Variants in SMTN observed in about 807,000 individuals in gnomAD.
The protein encoded by SMTN is smoothelin.
Under a neutral mutation model 102.0 loss-of-function variants are expected in SMTN, and 58 were observed. The ratio of observed to expected loss-of-function variants is 0.57; its 90% CI spans 0.46 to 0.71. SMTN has a LOEUF of 0.71. Ranked by LOEUF, SMTN falls within the 30% of genes least tolerant of loss-of-function variation. SMTN has a pLI of 0.00. For synonymous variants in SMTN, 478 were observed against 497.9 expected (o/e 0.96, Z 0.53); for missense variants, 1,185 against 1,241.7 (o/e 0.95, Z 0.69).
chr22:31,089,379 G>A (rs1348837695), intron 6 of SMTN, among the ~76,000 whole-genome samples: 1 of 152,196 alleles, frequency 6.6e-6, no homozygotes, highest in East Asian at 1.9e-4. Context: ...CTGAGGCCAG[G>A]AGTCAGGAAC....
Position 31,090,988 on chromosome 22 carries a change from C to G in SMTN, c.965C>G (p.Ser322Cys). 1 of 1,613,716 alleles carries G rather than the reference C, an allele frequency of 6.2e-7. No individual in the cohort carries two copies. The highest frequency in any genetic ancestry group is 1.1e-5 in the South Asian group (1 of 91,068). ...TCCACCCCCCTTGCCAGCGGACCTT[C>G]CTCATTCCAGCGGGCTGGCTCTGTG... ...RESTPLASGP[S>C]SFQRAGSVRD... The change falls in exon 10 of 21, where the codon TCC becomes TGC. Residue 322 changes from serine (S) to cysteine (C), a missense_variant. Coordinates refer to ENST00000333137, the MANE Select transcript of SMTN (RefSeq NM_134269.3).
At chr22:31,071,639 T>G (rs996042027) in intron 1 of SMTN, among the ~76,000 whole-genome samples, 1 of 151,000 alleles carries the variant, frequency 6.6e-6, no homozygotes, top group Non-Finnish European at 1.5e-5. Flanking sequence ...ACTTAATTAA[T>G]TAAAAAAAAT....
At chr22:31,093,238 C>A (rs561159800) in intron 11 of SMTN, 1 of 266,236 alleles carries the variant, frequency 3.8e-6, no homozygotes, top group East Asian at 1.1e-4. Context: ...CCCCCTCCCC[C>A]ACTGCCCCTT....
At position 31,095,889 on chromosome 22, in the gene SMTN, A is replaced by T; in HGVS notation, c.1861+280A>T. 1 of 511,010 alleles carries T rather than the reference A, an allele frequency of 2.0e-6. No homozygotes were observed. The highest frequency in any genetic ancestry group is 3.5e-6 in the Non-Finnish European group (1 of 286,736). The allele number at this position is 511,010 out of a possible 1,614,324, so 31.7% of individuals were successfully genotyped here. ...CCTCCCGCAGCTACTCTCTCCTTGG[A>T]TCCAGTTGCCTCTCAAAGTACTGTC... On this transcript the variant is annotated intron_variant, in intron 13 of 20. Transcript: ENST00000333137. The surrounding 1 kb of genome is among the most constrained non-coding windows in gnomAD (Gnocchi z 4.1).
At chr22:31,077,063 G>T (rs2413021), upstream of SMTN, among the ~76,000 whole-genome samples, 1 of 152,128 alleles carries the variant, frequency 6.6e-6, no homozygotes, top group Non-Finnish European at 1.5e-5. Flanking sequence ...GTGCTCAGGC[G>T]TCATCCAAGT....
At position 31,104,490 on chromosome 22, in the gene SMTN, A is replaced by G. The variant is rs771991516; in HGVS notation, c.*195A>G. 2 of 1,607,910 alleles carry G rather than the reference A, an allele frequency of 1.2e-6. No homozygotes were observed. ...AGCCTGCCCGCCCGCATGGCCAGCC[A>G]GTGGCAAGCTGCCGCCCCCACTCTC... is the stretch of plus-strand genomic sequence containing the variant. On this transcript the variant is annotated 3_prime_UTR_variant, in exon 21 of 21. Transcript: ENST00000333137.
At chr22:31,082,349 G>A (rs533336279) in intron 1 of SMTN, 2 of 352,478 alleles carry the variant, frequency 5.7e-6, no homozygotes, top group East Asian at 7.6e-5. Context: ...GCAAGATGGG[G>A]CTCTTGCCTC....
Position 31,091,387 on chromosome 22 carries a change from G to T in SMTN, c.1364G>T (p.Gly455Val). The T allele has an allele frequency of 6.3e-7, 1 of 1,597,450 alleles. No homozygotes were observed. Residue 455 changes from glycine to valine, a missense_variant, in exon 10 of 21, where the codon GGC becomes GTC. By Grantham distance (109) the Gly-to-Val change is moderately radical. Coordinates refer to ENST00000333137, the MANE Select transcript of SMTN (RefSeq NM_134269.3). ...GCCGTCGGCACTGCCGAGCCAGGGG[G>T]CAGTATGAAGACCACATTCACCATC... ...PVAVGTAEPG[G>V]SMKTTFTIEI...
At position 31,093,621 on chromosome 22, in the gene SMTN, G is replaced by T. The variant is rs759814831; in HGVS notation, c.1633-1682G>T. The T allele has an allele frequency of 2.0e-5, 15 of 765,604 alleles. No individual in the cohort carries two copies. The East Asian group carries it at 3.5e-4, about 18-fold the overall frequency. The allele number at this position is 765,604 out of a possible 1,614,324, so 47.4% of individuals were successfully genotyped here. A position where few individuals can be genotyped will look rare whatever the true frequency, so the allele number is the denominator to read the frequency against. On this transcript the variant is annotated intron_variant, in intron 11 of 20. Coordinates refer to ENST00000333137, the MANE Select transcript of SMTN (RefSeq NM_134269.3). ...CGGTGGCCCGGGCAGCTGAAGAGCT[G>T]CGGGCAGAGAGAGCAGCACTGAGCC... is the stretch of plus-strand genomic sequence containing the variant.
At chr22:31,088,370 T>C in intron 3 of SMTN, 143 bp from the exon 4 acceptor site, 1 of 801,912 alleles carries the variant, frequency 1.2e-6, no homozygotes, top group South Asian at 1.6e-5. Flanking sequence ...GGCATATGTG[T>C]ATCAGTGTGC....
At chr22:31,074,901 C>A (rs1016556947) in intron 1 of SMTN, among the ~76,000 whole-genome samples, 1 of 152,136 alleles carries the variant, frequency 6.6e-6, no homozygotes, top group Non-Finnish European at 1.5e-5. Flanking sequence ...GGGAATGCAC[C>A]GTGGAAACGT....
At chr22:31,088,839 T>C in intron 5 of SMTN, 33 bp from the exon 6 acceptor site, 1 of 1,612,032 alleles carries the variant, frequency 6.2e-7, no homozygotes, top group Non-Finnish European at 8.5e-7. Flanking sequence ...CACCTCCCTG[T>C]CACTCACCTG....
Position 31,090,029 on chromosome 22 carries a change from G to A in SMTN, c.792+10G>A, listed in dbSNP as rs988205811. 6.8e-6 allele frequency: 11 copies of A among 1,610,210 alleles called. No individual in the cohort carries two copies. The highest frequency in any genetic ancestry group is 1.7e-5 in the Admixed American group (1 of 59,718). On this transcript the variant is annotated intron_variant, in intron 7 of 20. Coordinates refer to ENST00000333137, the MANE Select transcript of SMTN (RefSeq NM_134269.3). The stretch of plus-strand genomic sequence containing the variant: ...CCAGGTGGTCAACAAGGTGAGTCTG[G>A]ATGAGGGGCAGGGATGCCAGGCAAG...
intron 18 of SMTN, 107 bp downstream of exon 18, chr22:31,099,286 G>A (rs1439569120): frequency 1.4e-5 from 10 of 718,956 alleles, no homozygotes; most frequent in Non-Finnish European, 2.1e-5. Context: ...CCACTGTGTG[G>A]CCTCACAGGG....
intron 6 of SMTN, 186 bp from the exon 7 acceptor site, chr22:31,089,513 G>T (rs1001524273): frequency 1.6e-6 from 1 of 612,702 alleles, no homozygotes; most frequent in Non-Finnish European, 2.9e-6. Flanking sequence ...AGATTGGGAA[G>T]TGGGGATCAG....
At chr22:31,084,933 T>TCCTCCCCGCGGGGCCGGGCC (rs2042564573) in intron 2 of SMTN, 1 of 1,349,682 alleles carries the variant, frequency 7.4e-7, no homozygotes, top group Non-Finnish European at 9.5e-7. Context: ...CGAGCCGGGC[T>TCCTCCCCGCGGGGCCGGGCC]CCTCCCCGCG....
intron 2 of SMTN, chr22:31,084,883 C>A: frequency 8.8e-7 from 1 of 1,141,722 alleles, no homozygotes; most frequent in Non-Finnish European, 1.1e-6. Flanking sequence ...CGCGCGCCGG[C>A]CCGGCCCCCG....
At chr22:31,079,802 C>G (rs989527045), upstream of SMTN, among the ~76,000 whole-genome samples, 1 of 152,190 alleles carries the variant, frequency 6.6e-6, no homozygotes, top group Non-Finnish European at 1.5e-5. Context: ...CTTGCTCTGT[C>G]GCTTAGGCTG....
intron 20 of SMTN, chr22:31,103,224 G>A (rs967074680): frequency 2.6e-5 from 4 of 152,226 alleles, no homozygotes; most frequent in African/African-American, 7.2e-5. Context: ...GTTCTCAGGT[G>A]TCTTGAGAAT....
Sources: allele counts gnomAD v4.1 joint callset (sites outside exome capture counted in the v4.1 genomes callset), GRCh38; gene constraint gnomAD v4.1.1; non-coding constraint Gnocchi (gnomAD v3.1); transcripts MANE v1.5; gene names NCBI Gene and HGNC (gene_info 2026-07-23, HGNC 2026-07-21).